Variants in NUDCD1 observed in about 807,000 individuals in gnomAD.
NUDCD1 encodes the protein NudC domain containing 1.
A neutral mutation model predicts 67.8 loss-of-function variants in NUDCD1; 60 were observed. The observed-to-expected ratio is 0.88, with a 90% CI of 0.72 to 1.10. NUDCD1 has a LOEUF of 1.10. Ranked by LOEUF, NUDCD1 falls within the 50% of genes least tolerant of loss-of-function variation. The pLI, the probability that NUDCD1 is intolerant of heterozygous loss-of-function variation, is 0.00. For missense variants in NUDCD1, 643 were observed against 695.0 expected, an observed-to-expected ratio of 0.93 and a Z score of 0.84; for synonymous variants, 244 against 230.8, an observed-to-expected ratio of 1.06 and a Z score of -0.52.
intron 8 of NUDCD1, among the ~76,000 whole-genome samples, chr8:109,252,427 CTCAGCAG>C (rs2129882101): frequency 2.0e-5 from 3 of 152,142 alleles, no homozygotes; most frequent in African/African-American, 7.2e-5. Context: ...ACACTCTTCC[CTCAGCAG>C]CTTAGGCTGC....
intron 6 of NUDCD1, among the ~76,000 whole-genome samples, chr8:109,279,672 T>C (rs1814383739): frequency 6.6e-6 from 1 of 152,190 alleles, no homozygotes; most frequent in Admixed American, 6.5e-5. Context: ...AGTTTCACTC[T>C]TATTGCCCAG....
intron 1 of NUDCD1, among the ~76,000 whole-genome samples, chr8:109,329,465 C>T (rs1261017734): frequency 6.6e-6 from 1 of 151,998 alleles, no homozygotes; most frequent in Admixed American, 6.5e-5. Context: ...AATCTTAAAA[C>T]AGAAGAAAAA....
chr8:109,329,975 A>G, intron 1 of NUDCD1: 1 of 1,286,724 alleles, frequency 7.8e-7, no homozygotes, highest in Non-Finnish European at 1.0e-6. Flanking sequence ...TATAGTGTAG[A>G]TTCTGACTAG....
intron 6 of NUDCD1, among the ~76,000 whole-genome samples, chr8:109,279,410 T>A (rs776724244): frequency 2.0e-4 from 30 of 152,198 alleles, no homozygotes; most frequent in Non-Finnish European, 3.1e-4. Context: ...TATTGTGACA[T>A]GTCTATTCAA....
At chr8:109,252,377 C>T (rs1185769473) in intron 8 of NUDCD1, among the ~76,000 whole-genome samples, 1 of 152,032 alleles carries the variant, frequency 6.6e-6, no homozygotes, top group Non-Finnish European at 1.5e-5. Context: ...CCTCTAGCTG[C>T]AATGGGTCTT....
chr8:109,321,040 A>T (rs1298026896), intron 2 of NUDCD1, among the ~76,000 whole-genome samples: 1 of 152,202 alleles, frequency 6.6e-6, no homozygotes, highest in Non-Finnish European at 1.5e-5. Flanking sequence ...TTGGTTTTTA[A>T]ATTACATGAA....
chr8:109,322,308 C>G lies in NUDCD1; in HGVS notation c.273+1G>C, dbSNP rs764991447. 1 of 1,474,056 alleles carries G rather than the reference C, an allele frequency of 6.8e-7. No homozygotes were observed. The highest frequency in any genetic ancestry group is 9.4e-7 in the Non-Finnish European group (1 of 1,067,392). The allele number at this position is 1,474,056 out of a possible 1,614,324, so 91.3% of individuals were successfully genotyped here. On this transcript the variant is annotated splice_donor_variant, in intron 2 of 9. Transcript: ENST00000239690. LOFTEE classifies it high-confidence loss of function. ...AATTATTACATACATGTTTCTCTTA[C>G]CAGCATTACTGTTAAATTCATAATT...
At chr8:109,315,292 T>C (rs192524295) in intron 2 of NUDCD1, 2 of 152,246 alleles carry the variant, frequency 1.3e-5, no homozygotes, top group East Asian at 3.9e-4. Context: ...TCCCTTCCTG[T>C]TTCTCCCAAG....
In NUDCD1 at chr8:109,245,338, T is replaced by C; in HGVS notation, c.1443A>G (p.Ala481=). Residue 481 remains alanine (A), a synonymous_variant, in exon 9 of 10, where the codon GCA becomes GCG. Transcript: ENST00000239690. Reference sequence around the variant, plus strand: ...GCTTTATACCTAAAGCATTGAAAGTTGCGATGTGCTCCCACATATCATCTT... The same window carrying C: ...GCTTTATACCTAAAGCATTGAAAGTCGCGATGTGCTCCCACATATCATCTT... The part of the protein sequence containing the change: ...SKQDDMWEHI[A]TFNALGYVQA... 1 of 1,613,292 alleles carries C rather than the reference T, an allele frequency of 6.2e-7. No homozygotes were observed. Among genetic ancestry groups the C allele is most frequent in the Non-Finnish European group, 8.5e-7 (1 of 1,179,666 alleles).
At chr8:109,294,041 A>T (rs1586285658) in intron 3 of NUDCD1, among the ~76,000 whole-genome samples, 1 of 151,410 alleles carries the variant, frequency 6.6e-6, no homozygotes, top group South Asian at 2.1e-4. Context: ...TTGTCTAAGC[A>T]TCATACAGAA....
chr8:109,273,746 G>A (rs1034371201), intron 7 of NUDCD1, among the ~76,000 whole-genome samples: 2 of 151,988 alleles, frequency 1.3e-5, no homozygotes, highest in African/African-American at 4.8e-5. Flanking sequence ...AACATTTTAA[G>A]ACATAACACT....
In NUDCD1 at chr8:109,246,270, C is replaced by T. The variant is rs11774128; in HGVS notation, c.1300-789G>A. Among the ~76,000 whole-genome samples the T allele has an allele frequency of 5.0e-3, 762 of 152,312 alleles. 3 individuals are homozygous for T. The highest frequency in any genetic ancestry group is 8.4e-3 in the Non-Finnish European group (571 of 68,022). On this transcript the variant is annotated intron_variant, in intron 8 of 9. Transcript: ENST00000239690. ...GTAATAATTACCAAGAACAATGACA[C>T]TACCAGAATTTATGAGCACACTCTC... is the stretch of plus-strand genomic sequence containing the variant.
chr8:109,243,582 A>G (rs1813426157), intron 9 of NUDCD1, among the ~76,000 whole-genome samples: 1 of 152,206 alleles, frequency 6.6e-6, no homozygotes, highest in Non-Finnish European at 1.5e-5. Context: ...TCCACGAATA[A>G]TTCGAACACT....
chr8:109,266,114 A>C (rs1432359489), intron 8 of NUDCD1, among the ~76,000 whole-genome samples: 1 of 149,424 alleles, frequency 6.7e-6, no homozygotes, highest in Non-Finnish European at 1.5e-5. Flanking sequence ...TCTAGTAGCC[A>C]TATTTAAGCA....
At chr8:109,271,191 T>C (rs1814147798) in intron 7 of NUDCD1, 61 bp from the exon 8 acceptor site, 13 of 1,196,904 alleles carry the variant, frequency 1.1e-5, no homozygotes, top group Admixed American at 4.7e-5. Flanking sequence ...AATGGGTTTC[T>C]TCATCTTTAA....
intron 5 of NUDCD1, among the ~76,000 whole-genome samples, chr8:109,282,076 T>C (rs1166972288): frequency 6.6e-6 from 1 of 152,146 alleles, no homozygotes; most frequent in Admixed American, 6.5e-5. Context: ...TCTGGGCATT[T>C]AGTGGCTGCC....
chr8:109,248,790 C>T (rs1404442520), intron 8 of NUDCD1, among the ~76,000 whole-genome samples: 1 of 150,842 alleles, frequency 6.6e-6, no homozygotes, highest in Non-Finnish European at 1.5e-5. Flanking sequence ...CCCCAGCATA[C>T]TTTTCAATAT....
At position 109,268,534 on chromosome 8, in the gene NUDCD1, C is replaced by T. The variant is rs540975482; in HGVS notation, c.1299+2471G>A. 2.6e-5 allele frequency among the ~76,000 whole-genome samples: 4 copies of T among 152,126 alleles called. No individual in the cohort carries two copies. The South Asian group carries it at 6.2e-4, about 24-fold the overall frequency. ...TCATAAACTGGGGGTATCTTAGTGA[C>T]CAACATTAAACTACTGATCAACAAT... On this transcript the variant is annotated intron_variant, in intron 8 of 9. Transcript: ENST00000239690.
intron 2 of NUDCD1, among the ~76,000 whole-genome samples, chr8:109,307,185 CCTAA>C (rs1228029782): frequency 1.3e-5 from 2 of 152,130 alleles, no homozygotes; most frequent in African/African-American, 2.4e-5. Flanking sequence ...CCTGCCCTAC[CCTAA>C]CTGATAGGAT....
Sources: allele counts gnomAD v4.1 joint callset (sites outside exome capture counted in the v4.1 genomes callset), GRCh38; gene constraint gnomAD v4.1.1; transcripts MANE v1.5; gene names NCBI Gene and HGNC (gene_info 2026-07-23, HGNC 2026-07-21).